Variants in LMNTD2 observed in about 807,000 individuals in gnomAD.
LMNTD2 encodes lamin tail domain containing 2, also known as lamin tail domain-containing protein 2.
LMNTD2 carries 83 observed loss-of-function variants against 70.1 expected under a neutral mutation model. The ratio of observed to expected loss-of-function variants is 1.18; its 90% confidence interval spans 0.99 to 1.42. LMNTD2 has a LOEUF of 1.42. LMNTD2 is among the 40% of genes most tolerant of loss of function. The probability of loss-of-function intolerance (pLI) is 0.00; values close to 1 mark genes in which losing one functional copy is unlikely to be tolerated. For missense variants in LMNTD2, 1,153 were observed against 905.9 expected, an observed-to-expected ratio of 1.27 and a Z score of -3.50; for synonymous variants, 534 against 406.1, an observed-to-expected ratio of 1.31 and a Z score of -3.79.
rs768359717 is a variant in LMNTD2 at position 557,585 on chromosome 11, G to A, written c.611C>T (p.Ala204Val). The A allele has an allele frequency of 1.9e-6, 3 of 1,613,248 alleles. No individual in the cohort carries two copies. Among genetic ancestry groups the A allele is most frequent in the African/African-American group, 1.3e-5 (1 of 74,928 alleles). ...GGCCTAGCTCACCTCCCCGGTGGGG[G>A]CCTGAATGTTTTCAGAGAGGTCGCT... is the stretch of plus-strand genomic sequence containing the variant. Reference protein sequence around the residue: ...DPSDLSENIQAPTGEGFRLED... With the variant: ...DPSDLSENIQVPTGEGFRLED... Residue 204 changes from alanine (A) to valine (V), a missense_variant, in exon 6 of 14, where the codon GCC becomes GTC. Transcript: ENST00000329451.
rs1449343305 is a variant in LMNTD2, at chr11:556,572, G to A, written c.993C>T (p.His331=). The change falls in exon 9 of 14, where the codon CAC becomes CAT. Residue 331 remains histidine (H), a synonymous_variant. Coordinates refer to ENST00000329451, the MANE Select transcript of LMNTD2 (RefSeq NM_173573.3). ...SRDSEDLQKT[H]SPRHGEPVLS... is the part of the protein sequence containing the mutation. ...GGACCGGCTCGCCGTGCCTGGGTGA[G>A]TGGGTTTTCTGGAGATCTAGAGAGA... is the stretch of plus-strand genomic sequence containing the variant. 6.5e-7 allele frequency: 1 copy of A among 1,547,348 alleles called. No individual in the cohort carries two copies.
Position 555,819 on chromosome 11 carries a change from C to A in LMNTD2, c.1489G>T (p.Ala497Ser). ...GGGCGCGGCGGCTTGCGGGTGTCGGCGCCGGGCCCGGCCTCAGGGAGCGGG... is the reference window on the plus strand; with the variant it reads ...GGGCGCGGCGGCTTGCGGGTGTCGGAGCCGGGCCCGGCCTCAGGGAGCGGG... ...RFPLPEAGPG[A>S]DTRKPPRPPR... is the part of the protein sequence containing the mutation. The change falls in exon 12 of 14, where the codon GCC becomes TCC. Residue 497 changes from alanine to serine, a missense_variant. Transcript: ENST00000329451. 6.5e-7 allele frequency: 1 copy of A among 1,534,958 alleles called. No individual in the cohort carries two copies. The highest frequency in any genetic ancestry group is 2.2e-5 in the Admixed American group (1 of 45,280).
In LMNTD2 at chr11:556,065, C is replaced by A; in HGVS notation, c.1308G>T (p.Ser436=). The change falls in exon 11 of 14, where the codon TCG becomes TCT. Residue 436 remains serine (S), a synonymous_variant. Transcript: ENST00000329451. ...AGAGGAGGGGAACGGGCTCCCGGCT[C>A]GAGGACGCGCGCAGCGGCTTCTTGG... ...RSAKKPLRAS[S]SREPVPLLSI... The A allele has an allele frequency of 1.3e-6, 2 of 1,545,894 alleles. No individual in the cohort carries two copies. The highest frequency in any genetic ancestry group is 1.7e-6 in the Non-Finnish European group (2 of 1,157,054).
intron 1 of LMNTD2, 41 bp downstream of exon 1, chr11:560,642 C>T (rs1293952796): frequency 2.2e-6 from 3 of 1,376,248 alleles, no homozygotes; most frequent in Admixed American, 3.5e-5. Context: ...CACTAGAAGG[C>T]TGCTGAGGAA....
chr11:557,847 G>A, intron 5 of LMNTD2, 37 bp downstream of exon 5: 1 of 1,527,644 alleles, frequency 6.5e-7, no homozygotes, highest in Non-Finnish European at 8.8e-7. Flanking sequence ...GCTGGGGAGG[G>A]CAGCCTGGGG....
chr11:558,420 C>T, intron 3 of LMNTD2, 172 bp from the exon 4 acceptor site: 6 of 1,058,944 alleles, frequency 5.7e-6, no homozygotes, highest in East Asian at 2.6e-5. Context: ...GGACAAGGGT[C>T]TAGCACCCAT....
intron 6 of LMNTD2, 34 bp downstream of exon 6, chr11:557,538 A>G (rs1006217163): frequency 1.2e-6 from 2 of 1,613,308 alleles, no homozygotes; most frequent in African/African-American, 1.3e-5. Context: ...AGGGCTCCAG[A>G]TACCAGACCA....
chr11:556,148 G>A (rs1852853539), intron 10 of LMNTD2, 33 bp from the exon 11 acceptor site: 1 of 1,311,014 alleles, frequency 7.6e-7, no homozygotes, highest in Non-Finnish European at 9.6e-7. Context: ...GTGAGGGGCG[G>A]CCGGGCCGGG....
intron 5 of LMNTD2, 49 bp downstream of exon 5, chr11:557,835 G>T: frequency 6.6e-7 from 1 of 1,520,342 alleles, no homozygotes; most frequent in Non-Finnish European, 8.8e-7. Context: ...GAGATGGGGA[G>T]GGCTGGGGAG....
At chr11:555,673 C>G in intron 12 of LMNTD2, 61 bp downstream of exon 12, 4 of 1,343,274 alleles carry the variant, frequency 3.0e-6, no homozygotes, top group Non-Finnish European at 3.8e-6. Flanking sequence ...TACGAGGGAC[C>G]GTTTCTGCTG....
Position 558,768 on chromosome 11 carries a change from T to G in LMNTD2, c.159-2A>C, listed in dbSNP as rs147165803. The G allele has an allele frequency of 6.2e-7, 1 of 1,604,498 alleles. No individual in the cohort carries two copies. The highest frequency in any genetic ancestry group is 1.3e-5 in the African/African-American group (1 of 74,912). ...GGGTCCAGGGACTCAAGAGCCAACC[T>G]GCAGCGGCAGCAGACCCTGCTGCTT... is the stretch of plus-strand genomic sequence containing the variant. On this transcript the variant is annotated splice_acceptor_variant, in intron 2 of 13. Coordinates refer to ENST00000329451, the MANE Select transcript of LMNTD2 (RefSeq NM_173573.3). LOFTEE classifies it high-confidence loss of function.
At position 558,712 on chromosome 11, in the gene LMNTD2, T is replaced by C; in HGVS notation, c.213A>G (p.Arg71=). ...PRTLRLLWRQ[R]ELEIQALRWA... ...ACCGCAAGGCCTGGATCTCCAGTTC[T>C]CGCTGTCTCCACAGCAGCCGCAGTG... The change falls in exon 3 of 14, where the codon CGA becomes CGG. Residue 71 remains arginine (R), a synonymous_variant. Transcript: ENST00000329451. The C allele has an allele frequency of 6.2e-7, 1 of 1,606,862 alleles. No homozygotes were observed. The highest frequency in any genetic ancestry group is 8.5e-7 in the Non-Finnish European group (1 of 1,177,622).
chr11:556,104 C>T lies in LMNTD2; in HGVS notation c.1269G>A (p.Glu423=). 6.6e-7 allele frequency: 1 copy of T among 1,517,686 alleles called. No individual in the cohort carries two copies. Among genetic ancestry groups the T allele is most frequent in the East Asian group, 2.7e-5 (1 of 36,854 alleles). 94.0% of individuals were successfully genotyped at this position (1,517,686 alleles called of 1,614,324 possible). A position where few individuals can be genotyped will look rare whatever the true frequency, so the allele number is the denominator to read the frequency against. The change falls in exon 11 of 14, where the codon GAG becomes GAA. Residue 423 remains glutamate, a synonymous_variant. Transcript: ENST00000329451. ...GCGGCTTCTTGGCGCTGCGGGTCGC[C>T]TCGCCCCAGACCTGGAGGGGCGTGG... ...APRHHVTVWG[E]ATRSAKKPLR... is the part of the protein sequence containing the mutation.
intron 1 of LMNTD2, chr11:560,395 G>T (rs1349543611): frequency 8.2e-7 from 1 of 1,217,128 alleles, no homozygotes; most frequent in Non-Finnish European, 1.0e-6. Context: ...GGCCTTCTGA[G>T]CGGGCACCTC....
chr11:556,342 G>C lies in LMNTD2; in HGVS notation c.1107C>G (p.Cys369Trp). ...PTGLKIVAVS[C>W]REKFVRIFNP... ...TGAAGATGCGGACGAACTTCTCCCG[G>C]CAGCTCACAGCCACGATCTTCAGGC... The change falls in exon 10 of 14, where the codon TGC becomes TGG. Residue 369 changes from cysteine (C) to tryptophan (W), a missense_variant. Physicochemically the swap from Cys to Trp is radical, Grantham distance 215. Coordinates refer to ENST00000329451, the MANE Select transcript of LMNTD2 (RefSeq NM_173573.3). The C allele has an allele frequency of 6.5e-7, 1 of 1,535,896 alleles. No individual in the cohort carries two copies. The highest frequency in any genetic ancestry group is 2.4e-5 in the East Asian group (1 of 40,904).
intron 7 of LMNTD2, 58 bp downstream of exon 7, chr11:557,341 C>A (rs1446703897): frequency 1.9e-5 from 29 of 1,538,538 alleles, no homozygotes; most frequent in Non-Finnish European, 2.5e-5. Flanking sequence ...TGCGTCTTCA[C>A]TTGCCAAGGT....
rs550932911 is a variant in LMNTD2, at chr11:558,955, A to T, written c.59T>A (p.Leu20Gln). The T allele has an allele frequency of 6.2e-7, 1 of 1,603,448 alleles. No homozygotes were observed. Among genetic ancestry groups the T allele is most frequent in the African/African-American group, 1.3e-5 (1 of 74,966 alleles). The part of the protein sequence containing the change: ...RREQESVSGH[L>Q]GPPAGAPAAP... Reference sequence around the variant, plus strand: ...TGCAGGTGCGCCTGCTGGAGGTCCCAGGTGACCACTGACCGACTCTTGCTC... The same window carrying T: ...TGCAGGTGCGCCTGCTGGAGGTCCCTGGTGACCACTGACCGACTCTTGCTC... Residue 20 changes from leucine (L) to glutamine (Q), a missense_variant, in exon 2 of 14, where the codon CTG (leucine) becomes CAG (glutamine). Physicochemically the swap from Leu to Gln is moderately radical, Grantham distance 113. Coordinates refer to ENST00000329451, the MANE Select transcript of LMNTD2 (RefSeq NM_173573.3).
Position 556,153 on chromosome 11 carries a change from GCCGGGCCGTCGGGGCCGGGCTC to G in LMNTD2, c.1257+17_1257+38del, listed in dbSNP as rs1852854485. On this transcript the variant is annotated intron_variant, in intron 10 of 13. Transcript: ENST00000329451. ...GGAGCGGCGGGTGAGGGGCGGCCGG[GCCGGGCCGTCGGGGCCGGGCTC>G]CCGGGCCGGGGCGCACCGTGACGTG... 7.6e-7 allele frequency: 1 copy of G among 1,316,608 alleles called. No individual in the cohort carries two copies. Among genetic ancestry groups the G allele is most frequent in the Non-Finnish European group, 9.6e-7 (1 of 1,040,608 alleles). The allele number at this position is 1,316,608 out of a possible 1,614,324, so 81.6% of individuals were successfully genotyped here.
Position 554,976 on chromosome 11 carries a change from G to T in LMNTD2, c.*4C>A. On this transcript the variant is annotated 3_prime_UTR_variant, in exon 14 of 14. Transcript: ENST00000329451. ...CTCGCGGTCCCGGCCCCACTCCTCC[G>T]CCCCTAGGCGCCGCGGCAGGTGTCC... 1 of 1,566,660 alleles carries T rather than the reference G, an allele frequency of 6.4e-7. No homozygotes were observed. Among genetic ancestry groups the T allele is most frequent in the Non-Finnish European group, 8.6e-7 (1 of 1,160,412 alleles).
Sources: gnomAD v4.1 joint callset for allele counts on GRCh38, gnomAD v4.1.1 for gene constraint, MANE v1.5 for transcripts, NCBI Gene and HGNC (gene_info 2026-07-23, HGNC 2026-07-21) for gene names.